The following PCDHGA11 variants were observed in gnomAD, a reference collection of about 807,000 sequenced individuals.
PCDHGA11 encodes the protein protocadherin gamma-A11.
In PCDHGA11, 39 loss-of-function variants were observed where a neutral mutation model predicts 60.4. The observed-to-expected ratio is 0.65, with a 90% CI of 0.50 to 0.84. The LOEUF is 0.84. PCDHGA11 is among the 40% of genes least tolerant of loss of function. The pLI is 0.00. For synonymous variants in PCDHGA11, 533 were observed against 510.3 expected (o/e 1.04, Z -0.60); for missense variants, 1,165 against 1,197.7 (o/e 0.97, Z 0.40).
At chr5:141,442,895 A>G (rs1381559903) in intron 1 of PCDHGA11, among the ~76,000 whole-genome samples, 5 of 152,182 alleles carry the variant, frequency 3.3e-5, no homozygotes, top group African/African-American at 1.2e-4. Context: ...CCTGCTTATC[A>G]CTTCTCCTTC....
intron 1 of PCDHGA11, among the ~76,000 whole-genome samples, chr5:141,425,459 C>A (rs2096876834): frequency 6.6e-6 from 1 of 152,200 alleles, no homozygotes; most frequent in African/African-American, 2.4e-5. Flanking sequence ...CATCACATTT[C>A]ATGTTATTAA....
chr5:141,512,712 A>G lies in PCDHGA11; in HGVS notation c.*1539A>G, dbSNP rs1362654237. 1 of 152,806 alleles carries G rather than the reference A, an allele frequency of 6.5e-6. No homozygotes were observed. The highest frequency in any genetic ancestry group is 2.4e-5 in the African/African-American group (1 of 41,414). 9.5% of individuals were successfully genotyped at this position (152,806 alleles called of 1,614,324 possible). On this transcript the variant is annotated 3_prime_UTR_variant, in exon 4 of 4. Coordinates refer to ENST00000398587, the MANE Select transcript of PCDHGA11 (RefSeq NM_018914.3). Reference sequence around the variant, plus strand: ...GTGTAGTGCGGTGTGCTTTTACGTGATGGCGGGTGGGCAGCGGGCGGCGGG... The same window carrying G: ...GTGTAGTGCGGTGTGCTTTTACGTGGTGGCGGGTGGGCAGCGGGCGGCGGG...
rs2099693161 is a variant in PCDHGA11, at chr5:141,489,871, G to T, written c.2434-4936G>T. ...TGAAGCCCAGGCAAGACATCAGCTG[G>T]TGCTTACTGCTGTGGATGGGGGGAC... On this transcript the variant is annotated intron_variant, in intron 1 of 3. Coordinates refer to ENST00000398587, the MANE Select transcript of PCDHGA11 (RefSeq NM_018914.3). This position sits in a 1 kb window ranked among gnomAD's most constrained non-coding sequence, Gnocchi z 4.5. The T allele has an allele frequency of 6.2e-7, 1 of 1,614,088 alleles. No homozygotes were observed. Among genetic ancestry groups the T allele is most frequent in the Non-Finnish European group, 8.5e-7 (1 of 1,180,022 alleles).
intron 1 of PCDHGA11, among the ~76,000 whole-genome samples, chr5:141,436,848 AT>A (rs1247905529): frequency 6.6e-6 from 1 of 152,244 alleles, no homozygotes; most frequent in African/African-American, 2.4e-5. Flanking sequence ...CACATTCTTG[AT>A]TGAGAAGCCA....
chr5:141,426,590 C>T (rs2096945493), intron 1 of PCDHGA11: 1 of 369,282 alleles, frequency 2.7e-6, no homozygotes, highest in East Asian at 7.4e-5. Context: ...TCCTCTGTGT[C>T]ATACCCTTAG....
At chr5:141,483,840 T>C (rs996866862) in intron 1 of PCDHGA11, among the ~76,000 whole-genome samples, 2 of 152,172 alleles carry the variant, frequency 1.3e-5, no homozygotes, top group South Asian at 2.1e-4. Context: ...AAGGACTTGG[T>C]TGAATTAAGA....
At chr5:141,450,297 G>A (rs1414677718) in intron 1 of PCDHGA11, among the ~76,000 whole-genome samples, 3 of 151,838 alleles carry the variant, frequency 2.0e-5, no homozygotes, top group Non-Finnish European at 4.4e-5. Context: ...ACAGGCGTGA[G>A]CCACCATGTG....
At chr5:141,423,841 T>A (rs1413277726) in intron 1 of PCDHGA11, 181 bp downstream of exon 1, 15 of 1,282,014 alleles carry the variant, frequency 1.2e-5, no homozygotes, top group Non-Finnish European at 1.4e-5. Context: ...ATTACGATAA[T>A]CTTTCAGAAC....
In PCDHGA11 at chr5:141,495,640, G is replaced by A. The variant is rs149177775; in HGVS notation, c.2492+775G>A. 1.2e-3 allele frequency among the ~76,000 whole-genome samples: 177 copies of A among 152,150 alleles called. 1 individual carries two copies. The highest frequency in any genetic ancestry group is 4.1e-3 in the African/African-American group (171 of 41,498). ...ACCTCAGCCTCAGTCCCTTTCATTT[G>A]TCTACTTGCATTGATCTGTGCCGCC... On this transcript the variant is annotated intron_variant, in intron 2 of 3. Transcript: ENST00000398587.
Position 141,421,328 on chromosome 5 carries a change from A to G in PCDHGA11, c.101A>G (p.Tyr34Cys), listed in dbSNP as rs1355932974. 6.2e-7 allele frequency: 1 copy of G among 1,613,902 alleles called. No homozygotes were observed. ...LRGFRARQIR[Y>C]SVPEETEKGS... Reference sequence around the variant, plus strand: ...GGGTTCCGGGCCAGGCAGATCCGATATTCGGTGCCAGAAGAGACCGAAAAG... The same window carrying G: ...GGGTTCCGGGCCAGGCAGATCCGATGTTCGGTGCCAGAAGAGACCGAAAAG... Residue 34 changes from tyrosine to cysteine, a missense_variant, in exon 1 of 4, where the codon TAT (tyrosine) becomes TGT (cysteine). Physicochemically the swap from Tyr to Cys is radical, Grantham distance 194 (BLOSUM62 -2). Coordinates refer to ENST00000398587, the MANE Select transcript of PCDHGA11 (RefSeq NM_018914.3).
rs751874380 is a variant in PCDHGA11 at position 141,486,055 on chromosome 5, C to A, written c.2434-8752C>A. ...CTGATCGTGTAAGAAACCTCTTTAG[C>A]CTGCACCCCACTACTGGAAAGCTTA... On this transcript the variant is annotated intron_variant, in intron 1 of 3. Transcript: ENST00000398587. The surrounding 1 kb of genome is among the most constrained non-coding windows in gnomAD (Gnocchi z 5.0). The A allele has an allele frequency of 6.2e-7, 1 of 1,614,170 alleles. No individual in the cohort carries two copies. Among genetic ancestry groups the A allele is most frequent in the South Asian group, 1.1e-5 (1 of 91,072 alleles).
At chr5:141,465,867 A>G (rs1049493106) in intron 1 of PCDHGA11, among the ~76,000 whole-genome samples, 5 of 152,040 alleles carry the variant, frequency 3.3e-5, no homozygotes, top group African/African-American at 9.7e-5. Context: ...TCATGCCTGT[A>G]ATCCCAGCAC....
intron 1 of PCDHGA11, chr5:141,479,313 G>C (rs926148640): frequency 2.0e-5 from 3 of 152,456 alleles, no homozygotes; most frequent in Non-Finnish European, 2.9e-5. Context: ...AAAACATAAA[G>C]TAGCCAGACT....
intron 3 of PCDHGA11, 73 bp from the exon 4 acceptor site, chr5:141,510,874 G>C: frequency 6.2e-7 from 1 of 1,610,126 alleles, no homozygotes; most frequent in Non-Finnish European, 8.5e-7. Context: ...TTCATTAACT[G>C]CTGGGGATAT....
intron 1 of PCDHGA11, among the ~76,000 whole-genome samples, chr5:141,461,983 C>T (rs1390320490): frequency 6.6e-6 from 1 of 152,192 alleles, no homozygotes. Flanking sequence ...GCCACCACGC[C>T]AGGCTAATTT....
At chr5:141,459,806 A>G (rs2154566682) in intron 1 of PCDHGA11, among the ~76,000 whole-genome samples, 1 of 152,342 alleles carries the variant, frequency 6.6e-6, no homozygotes, top group African/African-American at 2.4e-5. Flanking sequence ...CCTGTTGACT[A>G]GAGACACTGA....
At position 141,490,819 on chromosome 5, in the gene PCDHGA11, C is replaced by T; in HGVS notation, c.2434-3988C>T. Reference sequence around the variant, plus strand: ...CCAGCGTACCTTTGACTATGAATTGCTGCAGATGCTGCAGATTGTGGTGGG... The same window carrying T: ...CCAGCGTACCTTTGACTATGAATTGTTGCAGATGCTGCAGATTGTGGTGGG... On this transcript the variant is annotated intron_variant, in intron 1 of 3. Transcript: ENST00000398587. This position sits in a 1 kb window ranked among gnomAD's most constrained non-coding sequence, Gnocchi z 5.4. 2 of 1,613,842 alleles carry T rather than the reference C, an allele frequency of 1.2e-6. No individual in the cohort carries two copies. Among genetic ancestry groups the T allele is most frequent in the Non-Finnish European group, 8.5e-7 (1 of 1,179,804 alleles).
At chr5:141,465,141 A>AT (rs1341872532) in intron 1 of PCDHGA11, among the ~76,000 whole-genome samples, 2 of 151,678 alleles carry the variant, frequency 1.3e-5, no homozygotes, top group Non-Finnish European at 2.9e-5. Flanking sequence ...AGTTTAGGGG[A>AT]TATATGAAGG....
intron 1 of PCDHGA11, among the ~76,000 whole-genome samples, chr5:141,455,138 TTAAA>T (rs1193499111): frequency 1.3e-5 from 2 of 151,028 alleles, no homozygotes; most frequent in Admixed American, 1.3e-4. Context: ...TTACACTGTG[TTAAA>T]TAAATATTAG....
Sources: gnomAD v4.1 joint callset for allele counts (sites outside exome capture counted in the v4.1 genomes callset) on GRCh38, gnomAD v4.1.1 for gene constraint, Gnocchi (gnomAD v3.1) non-coding constraint, MANE v1.5 for transcripts, NCBI Gene and HGNC (gene_info 2026-07-23, HGNC 2026-07-21) for gene names.